The following ABTB1 variants were observed in gnomAD, a reference collection of about 807,000 sequenced individuals.
ABTB1 encodes ankyrin repeat and BTB domain containing 1.
A neutral mutation model predicts 57.1 loss-of-function variants in ABTB1; 45 were observed. The observed-to-expected ratio is 0.79, with a 90% CI of 0.62 to 1.01. ABTB1 has a LOEUF of 1.01. Ranked by LOEUF, ABTB1 falls within the 50% of genes least tolerant of loss-of-function variation. The pLI, the probability that ABTB1 is intolerant of heterozygous loss-of-function variation, is 0.00. For synonymous variants in ABTB1, 302 were observed against 275.4 expected (o/e 1.10, Z -0.95); for missense variants, 630 against 666.3 (o/e 0.95, Z 0.60).
Position 127,680,561 on chromosome 3 carries a change from C to G in ABTB1, c.*86C>G, listed in dbSNP as rs1290818030. The G allele has an allele frequency of 1.3e-6, 2 of 1,508,742 alleles. No individual in the cohort carries two copies. The highest frequency in any genetic ancestry group is 2.7e-5 in the African/African-American group (2 of 73,102). 93.5% of individuals were successfully genotyped at this position (1,508,742 alleles called of 1,614,324 possible). On this transcript the variant is annotated 3_prime_UTR_variant, in exon 12 of 12. Transcript: ENST00000232744. ...TTTGTGTGCAGCTCTTCTTCCTGCTCCCTGCACATTGAGGGCTTCATGGGG... is the reference window on the plus strand; with the variant it reads ...TTTGTGTGCAGCTCTTCTTCCTGCTGCCTGCACATTGAGGGCTTCATGGGG...
chr3:127,673,138 C>T (rs1364474013), intron 1 of ABTB1, 57 bp downstream of exon 1: 8 of 1,456,388 alleles, frequency 5.5e-6, no homozygotes, highest in Non-Finnish European at 7.3e-6. Flanking sequence ...CGGAACGCCT[C>T]GGGCCCTGGG....
At position 127,677,563 on chromosome 3, in the gene ABTB1, G is replaced by T; in HGVS notation, c.861G>T (p.Lys287Asn). 1 of 1,613,886 alleles carries T rather than the reference G, an allele frequency of 6.2e-7. No homozygotes were observed. The highest frequency in any genetic ancestry group is 1.3e-5 in the African/African-American group (1 of 75,038). The change falls in exon 9 of 12, where the codon AAG becomes AAT. Residue 287 changes from lysine (K) to asparagine (N), a missense_variant and splice_region_variant. This residue lies in a region of ABTB1 where 579 missense variants were observed against 585.9 expected (regional missense o/e 0.99). Transcript: ENST00000232744. ...CTGGCTGCAGCTTCCTCTGCCACAA[G>T]GTGCCTGTGCCCTCCTGTTGCCCCT... ...RVAGCSFLCH[K>N]AFFCGRSDYF...
chr3:127,677,335 G>A (rs764063719), intron 8 of ABTB1, 49 bp downstream of exon 8: 37 of 1,562,092 alleles, frequency 2.4e-5, no homozygotes, highest in South Asian at 3.4e-5. Context: ...ATGGCAGGCC[G>A]TGACAGGCAG....
chr3:127,673,946 G>A (rs550151744), intron 1 of ABTB1, among the ~76,000 whole-genome samples: 14 of 152,262 alleles, frequency 9.2e-5, no homozygotes, highest in African/African-American at 3.1e-4. Flanking sequence ...GCTGTATCCC[G>A]CGACTCCTGC....
rs1438205078 is a variant in ABTB1 at position 127,680,552 on chromosome 3, C to G, written c.*77C>G. On this transcript the variant is annotated 3_prime_UTR_variant, in exon 12 of 12. Coordinates refer to ENST00000232744, the MANE Select transcript of ABTB1 (RefSeq NM_172027.3). ...GTGTATGCGTTTGTGTGCAGCTCTT[C>G]TTCCTGCTCCCTGCACATTGAGGGC... The G allele has an allele frequency of 6.5e-7, 1 of 1,535,074 alleles. No homozygotes were observed. The highest frequency in any genetic ancestry group is 2.2e-5 in the East Asian group (1 of 44,490).
At chr3:127,674,698 C>T in intron 3 of ABTB1, 98 bp downstream of exon 3, 5 of 1,426,470 alleles carry the variant, frequency 3.5e-6, no homozygotes, top group South Asian at 1.2e-5. Flanking sequence ...CCTTGATACA[C>T]ATTTGCAAAG....
In ABTB1 at chr3:127,676,748, G is replaced by A. The variant is rs72967693; in HGVS notation, c.526+167G>A. The A allele has an allele frequency of 2.4e-3, 2,269 of 926,630 alleles. 32 individuals carry two copies. In the African/African-American group the frequency reaches 0.032, roughly 13 times the overall value. 57.4% of individuals were successfully genotyped at this position (926,630 alleles called of 1,614,324 possible). A position where few individuals can be genotyped will look rare whatever the true frequency, so the allele number is the denominator to read the frequency against. On this transcript the variant is annotated intron_variant, in intron 6 of 11. Coordinates refer to ENST00000232744, the MANE Select transcript of ABTB1 (RefSeq NM_172027.3). The surrounding 1 kb of genome is among the most constrained non-coding windows in gnomAD (Gnocchi z 5.4). ...GGGTTGCAAGAGAGAGGACTAGTGT[G>A]CCTGCTCAGGAAGAGCTTGTCCCAC...
rs375328589 is a variant in ABTB1 at position 127,677,749 on chromosome 3, C to T, written c.935C>T (p.Ala312Val). 12 of 1,610,872 alleles carry T rather than the reference C, an allele frequency of 7.4e-6. No individual in the cohort carries two copies. In the East Asian group the frequency reaches 1.6e-4, roughly 21 times the overall value. Residue 312 changes from alanine (A) to valine (V), a missense_variant, in exon 10 of 12, where the codon GCG (alanine) becomes GTG (valine). Transcript: ENST00000232744. ...DDHFRESEEP[A>V]TSGGPPAVTL... ...CACTTCCGAGAGAGCGAGGAGCCAG[C>T]GACCTCAGGGGGCCCCCCAGCCGTC... is the stretch of plus-strand genomic sequence containing the variant.
intron 3 of ABTB1, among the ~76,000 whole-genome samples, chr3:127,675,264 C>CTTTTTT (rs1170878832): frequency 4.0e-5 from 5 of 123,828 alleles, no homozygotes; most frequent in Non-Finnish European, 6.9e-5. Context: ...TTGGTTTTTT[C>CTTTTTT]TTTTTTTTTT....
At chr3:127,674,155 C>T (rs2074919455) in intron 1 of ABTB1, 2 of 563,836 alleles carry the variant, frequency 3.5e-6, no homozygotes, top group East Asian at 6.1e-5. Flanking sequence ...CCCTGTAGCC[C>T]ATCGTCCCCC....
rs905210283 is a variant in ABTB1 at position 127,676,802 on chromosome 3, C to T, written c.527-165C>T. 4.7e-6 allele frequency: 4 copies of T among 843,168 alleles called. No homozygotes were observed. Among genetic ancestry groups the T allele is most frequent in the African/African-American group, 3.4e-5 (2 of 58,766 alleles). The allele number at this position is 843,168 out of a possible 1,614,324, so 52.2% of individuals were successfully genotyped here. On this transcript the variant is annotated intron_variant, in intron 6 of 11. Coordinates refer to ENST00000232744, the MANE Select transcript of ABTB1 (RefSeq NM_172027.3). The surrounding 1 kb of genome is among the most constrained non-coding windows in gnomAD (Gnocchi z 5.4). ...CATGCTGAGGCCCTCCCATCTGTTC[C>T]CTGGGGCCTGTAGAACAGCTTTTGA...
chr3:127,674,569 CGAG>C lies in ABTB1; in HGVS notation c.148_150del (p.Glu50del). On this transcript the variant is annotated inframe_deletion, in exon 3 of 12. Coordinates refer to ENST00000232744, the MANE Select transcript of ABTB1 (RefSeq NM_172027.3). ...GGTACTATGCCTGCTTGTGTGGGCA[CGAG>C]GAGCTGGTACTCTACCTTCTGGCCA... 1 of 1,614,122 alleles carries C rather than the reference CGAG, an allele frequency of 6.2e-7. No individual in the cohort carries two copies. The highest frequency in any genetic ancestry group is 2.2e-5 in the East Asian group (1 of 44,874).
In ABTB1 at chr3:127,677,709, GC is replaced by G. The variant is rs775887268; in HGVS notation, c.898del (p.Leu300CysfsTer54). 6.2e-7 allele frequency: 1 copy of G among 1,609,348 alleles called. No homozygotes were observed. The highest frequency in any genetic ancestry group is 8.5e-7 in the Non-Finnish European group (1 of 1,177,832). On this transcript the variant is annotated frameshift_variant, in exon 10 of 12. Transcript: ENST00000232744. LOFTEE classifies it high-confidence loss of function. Reference sequence around the variant, plus strand: ...CTGTGGCCGCAGTGACTACTTCCGAGCCCTGCTGGATGACCACTTCCGAGAG... The same window carrying G: ...CTGTGGCCGCAGTGACTACTTCCGAGCCTGCTGGATGACCACTTCCGAGAG... The part of the protein sequence containing the change: ...FFCGRSDYFR[A>X]LLDDHFRESE...
chr3:127,677,165 T>C lies in ABTB1; in HGVS notation c.644-3T>C, dbSNP rs753090726. 5.6e-6 allele frequency: 9 copies of C among 1,613,486 alleles called. No individual in the cohort carries two copies. The Admixed American group carries it at 1.0e-4, about 18-fold the overall frequency. On this transcript the variant is annotated splice_region_variant and splice_polypyrimidine_tract_variant and intron_variant, in intron 7 of 11. Coordinates refer to ENST00000232744, the MANE Select transcript of ABTB1 (RefSeq NM_172027.3). The stretch of plus-strand genomic sequence containing the variant: ...GCTCCCTGAAGTTGTTCTTCCCCTG[T>C]AGTGGCGTCTAAGCCAGGCACGTGT...
At chr3:127,674,280 G>A (rs1164244414) in intron 1 of ABTB1, 111 bp from the exon 2 acceptor site, 10 of 1,417,828 alleles carry the variant, frequency 7.1e-6, no homozygotes, top group Non-Finnish European at 9.6e-6. Context: ...CTCACCTGGG[G>A]GAGGCTTCCC....
At position 127,674,526 on chromosome 3, in the gene ABTB1, ACTTC is replaced by A. The variant is rs769776751; in HGVS notation, c.120-12_120-9del. The A allele has an allele frequency of 2.5e-5, 40 of 1,613,832 alleles. No homozygotes were observed. The highest frequency in any genetic ancestry group is 4.5e-5 in the East Asian group (2 of 44,870). On this transcript the variant is annotated splice_polypyrimidine_tract_variant and intron_variant, in intron 2 of 11. Coordinates refer to ENST00000232744, the MANE Select transcript of ABTB1 (RefSeq NM_172027.3). ...TTCAGCACTGAGGACTGCCTCCTGT[ACTTC>A]CTTCCTCCCTTCAGGTACTATGCCT... is the stretch of plus-strand genomic sequence containing the variant.
intron 9 of ABTB1, 46 bp from the exon 10 acceptor site, chr3:127,677,630 G>A (rs1337499034): frequency 6.2e-7 from 1 of 1,612,980 alleles, no homozygotes; most frequent in South Asian, 1.1e-5. Flanking sequence ...AGCTCCTCAG[G>A]AGACAGACCC....
rs750447733 is a variant in ABTB1 at position 127,680,266 on chromosome 3, T to C, written c.1231-3T>C. 3.1e-6 allele frequency: 5 copies of C among 1,613,526 alleles called. No individual in the cohort carries two copies. The highest frequency in any genetic ancestry group is 1.1e-5 in the South Asian group (1 of 91,066). On this transcript the variant is annotated splice_region_variant and splice_polypyrimidine_tract_variant and intron_variant, in intron 11 of 11. Transcript: ENST00000232744. ...CCACTGAGCTGGCCCTTCCCGCTCA[T>C]AGCTGGTGGAGCGGGAGGACTTCGT...
chr3:127,679,692 C>A (rs1043623310), intron 10 of ABTB1: 2 of 556,116 alleles, frequency 3.6e-6, no homozygotes, highest in African/African-American at 3.7e-5. Flanking sequence ...CTGTATAACT[C>A]GGAGCTCAGA....
Sources: allele counts gnomAD v4.1 joint callset (sites outside exome capture counted in the v4.1 genomes callset), GRCh38; gene constraint gnomAD v4.1.1; regional missense constraint gnomAD v4.1.1; non-coding constraint Gnocchi (gnomAD v3.1); transcripts MANE v1.5; gene names NCBI Gene and HGNC (gene_info 2026-07-23, HGNC 2026-07-21).